The following UNC80 variants were observed in gnomAD, a reference collection of about 807,000 sequenced individuals.
UNC80 encodes the protein protein unc-80 homolog.
Under a neutral mutation model 384.6 loss-of-function variants are expected in UNC80, and 164 were observed. The ratio of observed to expected loss-of-function variants is 0.43; its 90% CI spans 0.38 to 0.49. UNC80 has a LOEUF of 0.49. Ranked by LOEUF, UNC80 falls within the 20% of genes least tolerant of loss-of-function variation. UNC80 has a pLI of 0.00. For synonymous variants in UNC80, 1,486 were observed against 1,527.8 expected (o/e 0.97, Z 0.64); for missense variants, 3,330 against 4,143.0 (o/e 0.80, Z 5.39).
chr2:209,793,427 A>G (rs2109852), intron 6 of UNC80, among the ~76,000 whole-genome samples: 78,577 of 151,928 alleles, frequency 0.52, 21,629 homozygotes, highest in Admixed American at 0.62. Flanking sequence ...TCTCCTATAG[A>G]TACTGGGTAT....
chr2:209,776,647 G>A (rs1241069397), intron 3 of UNC80, among the ~76,000 whole-genome samples: 2 of 152,130 alleles, frequency 1.3e-5, no homozygotes, highest in Non-Finnish European at 2.9e-5. Context: ...ACCTTCACCT[G>A]CCCAAGATGA....
At chr2:209,829,481 A>G in intron 15 of UNC80, 102 bp downstream of exon 15, 1 of 1,264,786 alleles carries the variant, frequency 7.9e-7, no homozygotes, top group Non-Finnish European at 1.1e-6. Flanking sequence ...TTTAGAGGAA[A>G]AGATACGTAT....
chr2:209,918,128 A>G (rs1207308256), intron 32 of UNC80, among the ~76,000 whole-genome samples, 170 bp downstream of exon 32: 1 of 152,140 alleles, frequency 6.6e-6, no homozygotes, highest in Non-Finnish European at 1.5e-5. Context: ...TTAAAAAATT[A>G]AAATATAGAA....
In UNC80 at chr2:209,844,489, TTCCTTCCTTCC is replaced by T. The variant is rs1559186131; in HGVS notation, c.3454+2045_3454+2055del. 4.8e-3 allele frequency among the ~76,000 whole-genome samples: 464 copies of T among 96,872 alleles called. 26 individuals are homozygous for T. Among genetic ancestry groups the T allele is most frequent in the African/African-American group, 0.018 (438 of 24,454 alleles). 63.6% of individuals were successfully genotyped at this position (96,872 alleles called of 152,430 possible). A position where few individuals can be genotyped will look rare whatever the true frequency, so the allele number is the denominator to read the frequency against. On this transcript the variant is annotated intron_variant, in intron 21 of 64. Transcript: ENST00000673920. ...TTTCTTTCTTTCTTTCCTTCCTTCC[TTCCTTCCTTCC>T]TTCCTTCCTTCCTTCCTTCCTTCCT...
intron 19 of UNC80, among the ~76,000 whole-genome samples, chr2:209,840,187 TATAAGTAA>T (rs149241140): frequency 0.026 from 3,994 of 152,224 alleles, 98 homozygotes; most frequent in Non-Finnish European, 0.04. Flanking sequence ...GTAGGTGAGG[TATAAGTAA>T]ATGGAAGCTT....
At chr2:209,953,873 C>T (rs886833424) in intron 47 of UNC80, among the ~76,000 whole-genome samples, 2 of 152,192 alleles carry the variant, frequency 1.3e-5, no homozygotes, top group African/African-American at 4.8e-5. Flanking sequence ...GACTAGATCA[C>T]ATGTTTCCTT....
intron 22 of UNC80, among the ~76,000 whole-genome samples, chr2:209,855,746 G>A (rs986246888): frequency 1.3e-5 from 2 of 151,838 alleles, no homozygotes; most frequent in African/African-American, 4.8e-5. Flanking sequence ...TAACTTATAG[G>A]AAGTCATGCT....
chr2:209,861,922 CTCT>C (rs1574786831), intron 22 of UNC80, among the ~76,000 whole-genome samples: 1 of 152,112 alleles, frequency 6.6e-6, no homozygotes, highest in African/African-American at 2.4e-5. Context: ...ATTCTTCTCT[CTCT>C]TCTTCTTTAT....
At chr2:209,919,357 T>C (rs1354671535) in intron 33 of UNC80, among the ~76,000 whole-genome samples, 1 of 152,194 alleles carries the variant, frequency 6.6e-6, no homozygotes, top group Non-Finnish European at 1.5e-5. Context: ...AAATTTATCA[T>C]TGTTTCCTTG....
At chr2:209,795,017 T>C (rs2078066193) in intron 7 of UNC80, 2 of 276,552 alleles carry the variant, frequency 7.2e-6, no homozygotes, top group Non-Finnish European at 1.4e-5. Context: ...TTGGAACAGT[T>C]TGAAGAGCTC....
chr2:209,793,815 T>C lies in UNC80; in HGVS notation c.894T>C (p.Ser298=), dbSNP rs762916531. 62 of 1,614,024 alleles carry C rather than the reference T, an allele frequency of 3.8e-5. No individual in the cohort carries two copies. The highest frequency in any genetic ancestry group is 1.6e-4 in the Middle Eastern group (1 of 6,082). The change falls in exon 7 of 65, where the codon AGT becomes AGC. Residue 298 remains serine, a synonymous_variant. Transcript: ENST00000673920. ...GCHRGNSFDG[S]LSSQTSQERG... ...ACCGAGGAAACTCCTTTGATGGAAG[T>C]CTGTCCTCCCAAACTTCCCAGGAAA...
At chr2:209,786,243 G>A in intron 5 of UNC80, 54 bp downstream of exon 5, 3 of 1,543,678 alleles carry the variant, frequency 1.9e-6, no homozygotes, top group Non-Finnish European at 2.6e-6. Context: ...CTCACACACA[G>A]TAGTTAGAGT....
intron 29 of UNC80, among the ~76,000 whole-genome samples, chr2:209,910,740 A>G (rs2088834084): frequency 6.6e-6 from 1 of 151,564 alleles, no homozygotes; most frequent in Non-Finnish European, 1.5e-5. Context: ...ATATTATTCA[A>G]AAGAATTCCT....
At chr2:209,875,727 A>G (rs892950712) in intron 23 of UNC80, among the ~76,000 whole-genome samples, 1 of 152,280 alleles carries the variant, frequency 6.6e-6, no homozygotes, top group Admixed American at 6.5e-5. Flanking sequence ...TTCCATGAAC[A>G]TAAATCTTTC....
At chr2:209,818,042 G>C (rs116559745) in intron 11 of UNC80, 90 bp downstream of exon 11, 3 of 1,439,864 alleles carry the variant, frequency 2.1e-6, no homozygotes, top group African/African-American at 2.9e-5. Context: ...ATTGTAATCC[G>C]CTTCCTGTGT....
intron 62 of UNC80, among the ~76,000 whole-genome samples, chr2:209,992,483 T>C (rs1330900912): frequency 6.6e-6 from 1 of 152,096 alleles, no homozygotes; most frequent in Admixed American, 6.5e-5. Flanking sequence ...GTTTTTTTTT[T>C]AAAGTTTATA....
At chr2:209,810,146 T>A (rs2079230823) in intron 7 of UNC80, among the ~76,000 whole-genome samples, 1 of 152,088 alleles carries the variant, frequency 6.6e-6, no homozygotes, top group Admixed American at 6.5e-5. Flanking sequence ...GCTTCCTGTT[T>A]GGTGTGGTTG....
At chr2:209,889,795 C>T (rs1238823496) in intron 26 of UNC80, among the ~76,000 whole-genome samples, 1 of 152,148 alleles carries the variant, frequency 6.6e-6, no homozygotes, top group Non-Finnish European at 1.5e-5. Flanking sequence ...CCAGCTTCAT[C>T]CATGTCCCTG....
At position 209,998,897 on chromosome 2, in the gene UNC80, G is replaced by A. The variant is rs935389687; in HGVS notation, c.*3302G>A. The A allele has an allele frequency of 6.6e-6, 1 of 152,150 alleles. No homozygotes were observed. The highest frequency in any genetic ancestry group is 6.5e-5 in the Admixed American group (1 of 15,276). 9.4% of individuals were successfully genotyped at this position (152,150 alleles called of 1,614,324 possible). On this transcript the variant is annotated 3_prime_UTR_variant, in exon 65 of 65. Coordinates refer to ENST00000673920, the MANE Select transcript of UNC80 (RefSeq NM_001371986.1). ...CTTTTTACTTTAGTGGGTCTCAACT[G>A]CAGCATTTCAGAAACAAATTTTGAT...
Sources: allele counts gnomAD v4.1 joint callset (sites outside exome capture counted in the v4.1 genomes callset), GRCh38; gene constraint gnomAD v4.1.1; transcripts MANE v1.5; gene names NCBI Gene and HGNC (gene_info 2026-07-23, HGNC 2026-07-21).